SEMA5A: variants seen among roughly 807,000 people sequenced by gnomAD.
The protein encoded by SEMA5A is semaphorin-5A.
Under a neutral mutation model 135.5 loss-of-function variants are expected in SEMA5A, and 55 were observed. That is an observed-to-expected ratio of 0.41 (90% CI 0.33 to 0.51). The LOEUF (loss-of-function observed/expected upper bound fraction) is 0.51. Among genes scored for constraint, SEMA5A ranks in the 20% least tolerant of loss-of-function variants. The pLI, the probability that SEMA5A is intolerant of heterozygous loss-of-function variation, is 0.37. For synonymous variants in SEMA5A, 580 were observed against 546.5 expected (o/e 1.06, Z -0.85); for missense variants, 1,290 against 1,419.9 (o/e 0.91, Z 1.47).
chr5:9,330,263 G>T (rs1362143991), intron 4 of SEMA5A, among the ~76,000 whole-genome samples: 1 of 151,954 alleles, frequency 6.6e-6, no homozygotes, highest in South Asian at 2.1e-4. Context: ...GGTAGCGGGC[G>T]CCTGTAGTCC....
rs60923924 is a variant in SEMA5A, at chr5:9,074,936, G to T, written c.2074-8290C>A. ...TGTATTTGGATCTGGTCCATAGAAC[G>T]GAAAAAGACTCAATTTTCAGAATGC... On this transcript the variant is annotated intron_variant, in intron 16 of 22. Transcript: ENST00000382496. Among the ~76,000 whole-genome samples, 1,355 of 152,122 alleles carry T rather than the reference G, an allele frequency of 8.9e-3. 37 individuals carry two copies. The highest frequency in any genetic ancestry group is 0.031 in the African/African-American group (1,281 of 41,494).
intron 5 of SEMA5A, among the ~76,000 whole-genome samples, chr5:9,296,868 T>A (rs971168055): frequency 1.4e-5 from 2 of 144,874 alleles, no homozygotes; most frequent in African/African-American, 5.2e-5. Flanking sequence ...GCATATTTCC[T>A]ACAGGTGAGA....
intron 5 of SEMA5A, among the ~76,000 whole-genome samples, chr5:9,267,067 A>C (rs1749719240): frequency 6.6e-6 from 1 of 152,202 alleles, no homozygotes; most frequent in East Asian, 1.9e-4. Context: ...AGAAAGTAGC[A>C]GAATCAAGGT....
At chr5:9,077,529 T>C (rs940690070) in intron 16 of SEMA5A, among the ~76,000 whole-genome samples, 12 of 152,316 alleles carry the variant, frequency 7.9e-5, no homozygotes, top group Middle Eastern at 3.4e-3. Context: ...ACAATCCCAC[T>C]ATTCTATGCA....
chr5:9,428,088 GTATATATATATATA>G (rs10536071), intron 2 of SEMA5A, among the ~76,000 whole-genome samples: 1 of 145,668 alleles, frequency 6.9e-6, no homozygotes, highest in Non-Finnish European at 1.5e-5. Context: ...ATATGTGTGT[GTATATATATATATA>G]TATATATATA....
At chr5:9,140,772 C>G (rs545239213) in intron 12 of SEMA5A, among the ~76,000 whole-genome samples, 3 of 152,170 alleles carry the variant, frequency 2.0e-5, no homozygotes, top group Non-Finnish European at 4.4e-5. Flanking sequence ...ACTTAGAGAT[C>G]ATTCAAAAGG....
intron 5 of SEMA5A, among the ~76,000 whole-genome samples, chr5:9,296,674 T>C (rs1345463837): frequency 6.6e-6 from 1 of 152,158 alleles, no homozygotes; most frequent in African/African-American, 2.4e-5. Context: ...TAAGAAAGTC[T>C]TGGACCAAAT....
chr5:9,066,018 G>A (rs770272751), intron 17 of SEMA5A, among the ~76,000 whole-genome samples: 4 of 152,320 alleles, frequency 2.6e-5, no homozygotes, highest in Non-Finnish European at 4.4e-5. Flanking sequence ...AAAGAGAAAT[G>A]CACTTCCATT....
chr5:9,294,165 C>T (rs1283178422), intron 5 of SEMA5A, among the ~76,000 whole-genome samples: 5 of 152,140 alleles, frequency 3.3e-5, no homozygotes, highest in Admixed American at 3.3e-4. Context: ...GAAATAAGAC[C>T]AGACAGCATT....
intron 3 of SEMA5A, among the ~76,000 whole-genome samples, chr5:9,348,840 A>G (rs887958246): frequency 1.3e-5 from 2 of 152,228 alleles, no homozygotes; most frequent in African/African-American, 4.8e-5. Flanking sequence ...TTGCAGAGGA[A>G]CGTGCCAGAG....
intron 8 of SEMA5A, among the ~76,000 whole-genome samples, chr5:9,203,782 T>G (rs1192444202): frequency 6.6e-6 from 1 of 152,146 alleles, no homozygotes; most frequent in Non-Finnish European, 1.5e-5. Context: ...GTCCAACATA[T>G]TCTTAAGTCA....
intron 5 of SEMA5A, chr5:9,265,586 C>T (rs1201088791): frequency 4.4e-6 from 2 of 455,298 alleles, no homozygotes; most frequent in African/African-American, 4.0e-5. Flanking sequence ...TCTCATCTGT[C>T]CAGTGCCTGG....
intron 13 of SEMA5A, among the ~76,000 whole-genome samples, chr5:9,128,892 C>A (rs1178376011): frequency 6.6e-6 from 1 of 152,096 alleles, no homozygotes; most frequent in Non-Finnish European, 1.5e-5. Context: ...TAGTGACACC[C>A]CTGGCCTCCA....
intron 3 of SEMA5A, 33 bp from the exon 4 acceptor site, chr5:9,337,845 A>C (rs1306419685): frequency 6.9e-7 from 1 of 1,446,910 alleles, no homozygotes; most frequent in Non-Finnish European, 9.5e-7. Flanking sequence ...TAAAAAGATA[A>C]AAATGAATTA....
intron 2 of SEMA5A, among the ~76,000 whole-genome samples, chr5:9,403,610 T>A (rs774007047): frequency 2.6e-5 from 4 of 152,178 alleles, no homozygotes; most frequent in Non-Finnish European, 5.9e-5. Flanking sequence ...TAGCATACAA[T>A]GATTAACACA....
At chr5:9,227,260 T>C (rs962297332) in intron 6 of SEMA5A, among the ~76,000 whole-genome samples, 58 of 152,308 alleles carry the variant, frequency 3.8e-4, no homozygotes, top group South Asian at 1.0e-3. Context: ...TTCAATTAAA[T>C]TCTCAAAGCA....
intron 1 of SEMA5A, among the ~76,000 whole-genome samples, chr5:9,496,844 C>A (rs1735328769): frequency 6.6e-6 from 1 of 152,190 alleles, no homozygotes; most frequent in Non-Finnish European, 1.5e-5. Flanking sequence ...ACAGATAAGT[C>A]TATGAGGATC....
At chr5:9,059,476 T>G (rs146167955) in intron 18 of SEMA5A, among the ~76,000 whole-genome samples, 1 of 152,362 alleles carries the variant, frequency 6.6e-6, no homozygotes, top group Non-Finnish European at 1.5e-5. Context: ...TATTATAGTT[T>G]ATTTATACAC....
At position 9,038,075 on chromosome 5, in the gene SEMA5A, C is replaced by T. The variant is rs933321753; in HGVS notation, c.*4822G>A. 11 of 152,074 alleles carry T rather than the reference C, an allele frequency of 7.2e-5. No individual in the cohort carries two copies. The highest frequency in any genetic ancestry group is 2.1e-4 in the South Asian group (1 of 4,814). The allele number at this position is 152,074 out of a possible 1,614,324, so 9.4% of individuals were successfully genotyped here. A position where few individuals can be genotyped will look rare whatever the true frequency, so the allele number is the denominator to read the frequency against. On this transcript the variant is annotated 3_prime_UTR_variant, in exon 23 of 23. Coordinates refer to ENST00000382496, the MANE Select transcript of SEMA5A (RefSeq NM_003966.3). ...ACCATAGGTAATCAAATATTGGTAA[C>T]GTTGTGTCAACATGCTTCCCCAAGT...
Sources: allele counts gnomAD v4.1 joint callset (sites outside exome capture counted in the v4.1 genomes callset), GRCh38; gene constraint gnomAD v4.1.1; transcripts MANE v1.5; gene names NCBI Gene and HGNC (gene_info 2026-07-23, HGNC 2026-07-21).